BDNF: variants seen among roughly 807,000 people sequenced by gnomAD.
BDNF encodes brain derived neurotrophic factor.
A neutral mutation model predicts 19.5 loss-of-function variants in BDNF; 1 was observed. The ratio of observed to expected loss-of-function variants is 0.05; its 90% CI spans 0.02 to 0.24. The LOEUF is 0.24. BDNF is among the 10% of genes least tolerant of loss of function. The pLI, the probability that BDNF is intolerant of heterozygous loss-of-function variation, is 1.00. For missense variants in BDNF, 195 were observed against 317.6 expected, an observed-to-expected ratio of 0.61 and a Z score of 2.93; for synonymous variants, 100 against 121.6, an observed-to-expected ratio of 0.82 and a Z score of 1.17.
chr11:27,700,354 G>C lies in BDNF; in HGVS notation c.-212C>G, dbSNP rs1859762364. Reference sequence around the variant, plus strand: ...GCGCACCGGGCTGGCTCCTCTGTCCGGCCCGGGAGCCCGAGGCGCTACGGG... The same window carrying C: ...GCGCACCGGGCTGGCTCCTCTGTCCCGCCCGGGAGCCCGAGGCGCTACGGG... On this transcript the variant is annotated 5_prime_UTR_variant, in exon 1 of 2. Transcript: ENST00000356660. 6.1e-6 allele frequency: 6 copies of C among 985,384 alleles called. No individual in the cohort carries two copies. The highest frequency in any genetic ancestry group is 7.2e-6 in the Non-Finnish European group (6 of 829,952). 61.0% of individuals were successfully genotyped at this position (985,384 alleles called of 1,614,324 possible).
chr11:27,669,828 C>G lies in BDNF; in HGVS notation c.-21-11243G>C, dbSNP rs534968800. ...AATCAATATCATGAAAATGGCCATA[C>G]TACCCAAGGTAATTTATAGATTCAA... On this transcript the variant is annotated intron_variant, in intron 1 of 1. Coordinates refer to ENST00000356660, the MANE Select transcript of BDNF (RefSeq NM_001709.5). Among the ~76,000 whole-genome samples, 145 of 152,222 alleles carry G rather than the reference C, an allele frequency of 9.5e-4. 3 individuals carry two copies. The highest frequency in any genetic ancestry group is 3.1e-4 in the Non-Finnish European group (21 of 68,014).
intron 1 of BDNF, among the ~76,000 whole-genome samples, chr11:27,690,457 A>G (rs1407688384): frequency 6.6e-6 from 1 of 152,044 alleles, no homozygotes; most frequent in East Asian, 1.9e-4. Flanking sequence ...ACACACACAC[A>G]CAAACTATGC....
intron 1 of BDNF, among the ~76,000 whole-genome samples, chr11:27,691,978 C>T (rs1385417812): frequency 1.3e-5 from 2 of 152,096 alleles, no homozygotes; most frequent in Non-Finnish European, 2.9e-5. Context: ...ATTTGGGCAC[C>T]TGAATTTGAT....
intron 1 of BDNF, among the ~76,000 whole-genome samples, chr11:27,666,704 AGAG>A (rs1326692021): frequency 2.6e-5 from 4 of 152,244 alleles, no homozygotes; most frequent in Non-Finnish European, 4.4e-5. Context: ...TGAAGCAAGA[AGAG>A]AAGTTTAGAG....
rs1590513719 is a variant in BDNF, at chr11:27,720,665, A to G, written c.3+747T>C. 5.1e-6 allele frequency: 5 copies of G among 985,364 alleles called. No homozygotes were observed. In the South Asian group the frequency reaches 2.3e-4, roughly 46 times the overall value. 61.0% of individuals were successfully genotyped at this position (985,364 alleles called of 1,614,324 possible). On this transcript the variant is annotated intron_variant, in intron 1 of 1. Transcript: ENST00000314915. Reference sequence around the variant, plus strand: ...CTACCTGGGGGTACCGCCACCTCGGACAAATCCGTTGGCTCTGTCCAAGGT... The same window carrying G: ...CTACCTGGGGGTACCGCCACCTCGGGCAAATCCGTTGGCTCTGTCCAAGGT...
upstream of BDNF, among the ~76,000 whole-genome samples, chr11:27,703,277 G>A (rs1859984030): frequency 6.6e-6 from 1 of 152,086 alleles, no homozygotes; most frequent in Admixed American, 6.6e-5. Context: ...AATTTAAAAG[G>A]CTAGTGTTAT....
At chr11:27,714,486 C>T (rs1860444233) in intron 1 of BDNF, among the ~76,000 whole-genome samples, 1 of 152,114 alleles carries the variant, frequency 6.6e-6, no homozygotes, top group Non-Finnish European at 1.5e-5. Flanking sequence ...TTCCATCGCA[C>T]CACCTGCTTT....
At chr11:27,668,565 G>C (rs763101903) in intron 1 of BDNF, among the ~76,000 whole-genome samples, 1 of 151,890 alleles carries the variant, frequency 6.6e-6, no homozygotes, top group African/African-American at 2.4e-5. Context: ...GCAATAAAAG[G>C]TGATAAAGGG....
intron 1 of BDNF, among the ~76,000 whole-genome samples, chr11:27,707,853 G>C (rs558070250): frequency 1.5e-3 from 235 of 152,130 alleles, no homozygotes; most frequent in African/African-American, 5.5e-3. Context: ...AATGGGGGGT[G>C]GTGTGTGTGG....
At chr11:27,720,662 C>T (rs902729046) in intron 1 of BDNF, 3 of 985,484 alleles carry the variant, frequency 3.0e-6, no homozygotes, top group African/African-American at 1.7e-5. Flanking sequence ...ACCGCCACCT[C>T]GGACAAATCC....
Position 27,657,671 on chromosome 11 carries a change from A to G in BDNF, c.*150T>C. The G allele has an allele frequency of 6.9e-7, 1 of 1,446,742 alleles. No individual in the cohort carries two copies. Among genetic ancestry groups the G allele is most frequent in the Non-Finnish European group, 9.0e-7 (1 of 1,108,216 alleles). 89.6% of individuals were successfully genotyped at this position (1,446,742 alleles called of 1,614,324 possible). A position where few individuals can be genotyped will look rare whatever the true frequency, so the allele number is the denominator to read the frequency against. ...GGTCATGGACATGTCCAATAAATAG[A>G]TTGTAGAACCACTGTACTGTATAAA... On this transcript the variant is annotated 3_prime_UTR_variant, in exon 2 of 2. Coordinates refer to ENST00000356660, the MANE Select transcript of BDNF (RefSeq NM_001709.5). The surrounding 1 kb of genome is among the most constrained non-coding windows in gnomAD (Gnocchi z 5.0).
Position 27,658,077 on chromosome 11 carries a change from G to A in BDNF, c.488C>T (p.Thr163Met), listed in dbSNP as rs754270781. The A allele has an allele frequency of 2.2e-5, 35 of 1,613,964 alleles. No homozygotes were observed. Among genetic ancestry groups the A allele is most frequent in the Admixed American group, 1.0e-4 (6 of 60,002 alleles). ...AGGGACCTTTTCAAGGACTGTGACC[G>A]TCCCGCCCGACATGTCCACTGCAGT... ...KKTAVDMSGG[T>M]VTVLEKVPVS... is the part of the protein sequence containing the mutation. The change falls in exon 2 of 2, where the codon ACG becomes ATG. Residue 163 changes from threonine (T) to methionine (M), a missense_variant. Coordinates refer to ENST00000356660, the MANE Select transcript of BDNF (RefSeq NM_001709.5). The surrounding 1 kb of genome is among the most constrained non-coding windows in gnomAD (Gnocchi z 5.7).
chr11:27,683,326 G>A (rs552449565), intron 1 of BDNF, among the ~76,000 whole-genome samples: 7 of 152,054 alleles, frequency 4.6e-5, no homozygotes, highest in Admixed American at 2.0e-4. Flanking sequence ...AGATGGATAC[G>A]TTGCAAAAAA....
intron 1 of BDNF, among the ~76,000 whole-genome samples, chr11:27,692,445 G>A (rs932798315): frequency 1.3e-5 from 2 of 152,086 alleles, no homozygotes; most frequent in African/African-American, 2.4e-5. Flanking sequence ...GGGCTCAAAC[G>A]ATCCTACTGC....
At chr11:27,695,315 C>T (rs781453472) in intron 1 of BDNF, among the ~76,000 whole-genome samples, 21 of 152,250 alleles carry the variant, frequency 1.4e-4, no homozygotes, top group Non-Finnish European at 2.1e-4. Flanking sequence ...TGTAATTAAA[C>T]GACAGGTTGC....
intron 1 of BDNF, among the ~76,000 whole-genome samples, chr11:27,698,591 C>A (rs6484326): frequency 6.6e-6 from 1 of 152,326 alleles, no homozygotes; most frequent in South Asian, 2.1e-4. Flanking sequence ...TAGATTTTTC[C>A]ATAATAATAA....
chr11:27,709,997 A>T (rs935971287), intron 1 of BDNF, among the ~76,000 whole-genome samples: 3 of 152,244 alleles, frequency 2.0e-5, no homozygotes, highest in Admixed American at 1.3e-4. Flanking sequence ...AAGGACTTAC[A>T]GTCTACCAGC....
At chr11:27,706,735 A>C (rs1483802258) in intron 1 of BDNF, among the ~76,000 whole-genome samples, 1 of 152,218 alleles carries the variant, frequency 6.6e-6, no homozygotes, top group African/African-American at 2.4e-5. Flanking sequence ...GGAGTCATGA[A>C]TTATCTGGAC....
chr11:27,660,510 CTG>C (rs1853294975), intron 1 of BDNF, among the ~76,000 whole-genome samples: 1 of 152,142 alleles, frequency 6.6e-6, no homozygotes, highest in African/African-American at 2.4e-5. Context: ...TACTTACACA[CTG>C]AATGAAAAAG....
Sources: allele counts gnomAD v4.1 joint callset (sites outside exome capture counted in the v4.1 genomes callset), GRCh38; gene constraint gnomAD v4.1.1; non-coding constraint Gnocchi (gnomAD v3.1); transcripts MANE v1.5; gene names NCBI Gene and HGNC (gene_info 2026-07-23, HGNC 2026-07-21).